COX10: variants seen among roughly 807,000 people sequenced by gnomAD.
COX10 encodes cytochrome c oxidase assembly factor heme A:farnesyltransferase COX10.
A neutral mutation model predicts 37.3 loss-of-function variants in COX10; 27 were observed. The ratio of observed to expected loss-of-function variants is 0.72; its 90% confidence interval spans 0.53 to 1.00. COX10 has a LOEUF of 1.00. COX10 is among the 50% of genes least tolerant of loss of function. COX10 has a pLI of 0.00. For synonymous variants in COX10, 222 were observed against 229.1 expected (o/e 0.97, Z 0.28); for missense variants, 475 against 563.2 (o/e 0.84, Z 1.59).
chr17:14,114,453 G>A (rs921750285), intron 4 of COX10, among the ~76,000 whole-genome samples: 2 of 151,850 alleles, frequency 1.3e-5, no homozygotes, highest in African/African-American at 2.4e-5. Flanking sequence ...CATAGAATTC[G>A]TAATTGCATT....
At chr17:14,163,974 C>T (rs1467447512) in intron 5 of COX10, among the ~76,000 whole-genome samples, 1 of 152,096 alleles carries the variant, frequency 6.6e-6, no homozygotes, top group Non-Finnish European at 1.5e-5. Context: ...AGTTCTAATT[C>T]ACTTTATGTG....
chr17:14,179,538 A>C (rs1371788662), intron 5 of COX10, among the ~76,000 whole-genome samples: 2 of 152,212 alleles, frequency 1.3e-5, no homozygotes, highest in Non-Finnish European at 2.9e-5. Flanking sequence ...AGCATAAGGC[A>C]GCCCAGAAAT....
chr17:14,075,293 C>G (rs576926097), intron 2 of COX10, among the ~76,000 whole-genome samples: 1 of 152,172 alleles, frequency 6.6e-6, no homozygotes, highest in African/African-American at 2.4e-5. Flanking sequence ...GTGTAATGCC[C>G]TTTTTTATGT....
intron 4 of COX10, among the ~76,000 whole-genome samples, chr17:14,150,059 G>A (rs1440214730): frequency 6.6e-6 from 1 of 152,056 alleles, no homozygotes; most frequent in African/African-American, 2.4e-5. Flanking sequence ...ATCACTTGAG[G>A]CCAAGAGTTT....
At chr17:14,098,911 T>C (rs1915709431) in intron 3 of COX10, among the ~76,000 whole-genome samples, 1 of 152,118 alleles carries the variant, frequency 6.6e-6, no homozygotes, top group Non-Finnish European at 1.5e-5. Context: ...TTATGACTTG[T>C]AGTAGCATAT....
chr17:14,180,300 C>T (rs938708122), intron 5 of COX10, among the ~76,000 whole-genome samples: 44 of 151,890 alleles, frequency 2.9e-4, no homozygotes, highest in African/African-American at 9.7e-4. Context: ...TAGTGTTAAC[C>T]AGTGAAGTGG....
intron 4 of COX10, among the ~76,000 whole-genome samples, chr17:14,142,209 G>A (rs1252204962): frequency 6.6e-6 from 1 of 152,138 alleles, no homozygotes; most frequent in African/African-American, 2.4e-5. Context: ...ATTTTACTAA[G>A]ACATTAACAC....
intron 3 of COX10, among the ~76,000 whole-genome samples, chr17:14,101,880 A>AT (rs1216047038): frequency 2.0e-5 from 3 of 152,050 alleles, no homozygotes; most frequent in Middle Eastern, 3.4e-3. Context: ...GACTGACCTT[A>AT]TTTTTTTTCT....
At chr17:14,102,090 G>T in intron 3 of COX10, 28 bp from the exon 4 acceptor site, 1 of 1,613,334 alleles carries the variant, frequency 6.2e-7, no homozygotes, top group Non-Finnish European at 8.5e-7. Flanking sequence ...GTTGGTAACA[G>T]TGTGTCTGCT....
At chr17:14,134,361 C>A (rs951559629) in intron 4 of COX10, among the ~76,000 whole-genome samples, 2 of 151,294 alleles carry the variant, frequency 1.3e-5, no homozygotes, top group African/African-American at 4.8e-5. Flanking sequence ...GCTTTTTTTT[C>A]AATCATCAAG....
intron 4 of COX10, among the ~76,000 whole-genome samples, chr17:14,156,845 C>T (rs909786752): frequency 1.3e-5 from 2 of 152,184 alleles, no homozygotes; most frequent in Non-Finnish European, 2.9e-5. Context: ...CCTTCTACTG[C>T]ACATGTGATT....
chr17:14,125,957 G>A (rs976138841), intron 4 of COX10, among the ~76,000 whole-genome samples: 2 of 152,260 alleles, frequency 1.3e-5, no homozygotes, highest in Middle Eastern at 6.8e-3. Context: ...TCTATTAGGA[G>A]CCAAAGCCAT....
chr17:14,079,840 T>C (rs1915240010), intron 3 of COX10, among the ~76,000 whole-genome samples: 1 of 72,888 alleles, frequency 1.4e-5, no homozygotes, highest in Non-Finnish European at 2.7e-5. Flanking sequence ...AATAGGATCA[T>C]TTTATATATA....
rs533393299 is a variant in COX10 at position 14,072,220 on chromosome 17, C to CT, written c.44-2095dup. 9.9e-4 allele frequency among the ~76,000 whole-genome samples: 150 copies of CT among 151,884 alleles called. 2 individuals are homozygous for CT. The South Asian group carries it at 0.031, about 31-fold the overall frequency. On this transcript the variant is annotated intron_variant, in intron 1 of 6. Coordinates refer to ENST00000261643, the MANE Select transcript of COX10 (RefSeq NM_001303.4). ...AAAATCTCAGTTTGACCCACGTAAT[C>CT]TTTTTTTTGTTGTTGTTGAGATGGA... is the stretch of plus-strand genomic sequence containing the variant.
chr17:14,074,422 T>C lies in COX10; in HGVS notation c.143T>C (p.Ile48Thr). 5 of 1,613,946 alleles carry C rather than the reference T, an allele frequency of 3.1e-6. No homozygotes were observed. Among genetic ancestry groups the C allele is most frequent in the South Asian group, 2.2e-5 (2 of 91,070 alleles). Residue 48 changes from isoleucine (I) to threonine (T), a missense_variant, in exon 2 of 7, where the codon ATT (isoleucine) becomes ACT (threonine). Physicochemically the swap from Ile to Thr is moderately conservative, Grantham distance 89 (BLOSUM62 -1). This residue lies in a region of COX10 where 242 missense variants were observed against 242.5 expected (regional missense o/e 1.00). Transcript: ENST00000261643. ...CTCAGGAATGTCAATAAGCAGTGGA[T>C]TACATTTCAGCACTTTAGCTTCCTC... ...HLLRNVNKQW[I>T]TFQHFSFLKR... is the part of the protein sequence containing the mutation.
chr17:14,120,354 T>C (rs1916203374), intron 4 of COX10, among the ~76,000 whole-genome samples: 3 of 152,122 alleles, frequency 2.0e-5, no homozygotes, highest in Non-Finnish European at 4.4e-5. Flanking sequence ...TGGACACCAA[T>C]GAGATTAAAT....
At chr17:14,096,805 T>C (rs1266112077) in intron 3 of COX10, among the ~76,000 whole-genome samples, 2 of 152,166 alleles carry the variant, frequency 1.3e-5, no homozygotes, top group Non-Finnish European at 2.9e-5. Context: ...TTGGACCTAG[T>C]AGTCAGGACC....
At position 14,203,550 on chromosome 17, in the gene COX10, T is replaced by C. The variant is rs564267159; in HGVS notation, c.929-3260T>C. 1.3e-3 allele frequency among the ~76,000 whole-genome samples: 198 copies of C among 152,244 alleles called. 1 individual carries two copies. The highest frequency in any genetic ancestry group is 2.3e-3 in the South Asian group (11 of 4,820). On this transcript the variant is annotated intron_variant, in intron 6 of 6. Coordinates refer to ENST00000261643, the MANE Select transcript of COX10 (RefSeq NM_001303.4). ...GAACAATGTGCATTAAAAATCCTCC[T>C]CCTTTCTTTTAGATGACTTGCAAAG... is the stretch of plus-strand genomic sequence containing the variant.
At chr17:14,166,640 G>T in intron 5 of COX10, among the ~76,000 whole-genome samples, 1 of 84,114 alleles carries the variant, frequency 1.2e-5, no homozygotes. Context: ...TTTTGAGACA[G>T]TCTTCCTCTC....
Sources: gnomAD v4.1 joint callset for allele counts (sites outside exome capture counted in the v4.1 genomes callset) on GRCh38, gnomAD v4.1.1 for gene constraint, gnomAD v4.1.1 regional missense constraint, MANE v1.5 for transcripts, NCBI Gene and HGNC (gene_info 2026-07-23, HGNC 2026-07-21) for gene names.